Variants in KHDRBS2 observed in about 807,000 individuals in gnomAD.
KHDRBS2 encodes KH domain-containing, RNA-binding, signal transduction-associated protein 2.
In KHDRBS2, 26 loss-of-function variants were observed where a neutral mutation model predicts 44.3. The ratio of observed to expected loss-of-function variants is 0.59; its 90% CI spans 0.43 to 0.81. KHDRBS2 has a LOEUF of 0.81. KHDRBS2 is among the 40% of genes least tolerant of loss of function. KHDRBS2 has a pLI of 0.00. For missense variants in KHDRBS2, 476 were observed against 433.1 expected (o/e 1.10, Z -0.88); for synonymous variants, 194 against 151.1 (o/e 1.28, Z -2.08).
chr6:61,706,421 C>T (rs954690566), intron 7 of KHDRBS2, among the ~76,000 whole-genome samples: 1 of 151,636 alleles, frequency 6.6e-6, no homozygotes, highest in African/African-American at 2.4e-5. Context: ...TTAGACAGCT[C>T]CTAAGTGATA....
intron 2 of KHDRBS2, among the ~76,000 whole-genome samples, chr6:62,137,689 T>G (rs1274996513): frequency 3.3e-5 from 5 of 152,126 alleles, no homozygotes; most frequent in Admixed American, 6.5e-5. Context: ...TCTTTTCCAG[T>G]TTTTTTCATA....
chr6:61,872,392 T>A (rs986852774), intron 6 of KHDRBS2, among the ~76,000 whole-genome samples: 16 of 152,122 alleles, frequency 1.1e-4, no homozygotes, highest in African/African-American at 2.9e-4. Context: ...TTTCTGGATA[T>A]AATATAAACA....
At chr6:62,224,058 T>C (rs1831345766) in intron 1 of KHDRBS2, among the ~76,000 whole-genome samples, 1 of 152,178 alleles carries the variant, frequency 6.6e-6, no homozygotes, top group Admixed American at 6.5e-5. Context: ...TATTAGTCTA[T>C]TTTCATGCTG....
chr6:62,058,046 A>G, intron 2 of KHDRBS2, among the ~76,000 whole-genome samples: 1 of 151,932 alleles, frequency 6.6e-6, no homozygotes. Context: ...TATTAACATT[A>G]TTTCATTAAT....
chr6:61,620,099 G>A, the KHDRBS2 span, among the ~76,000 whole-genome samples: 5 of 151,822 alleles, frequency 3.3e-5, no homozygotes, highest in African/African-American at 4.8e-5. Flanking sequence ...AAAACTCCAC[G>A]TGTAGTTTTT....
chr6:62,191,427 C>T (rs1824588288), intron 1 of KHDRBS2, among the ~76,000 whole-genome samples: 1 of 152,090 alleles, frequency 6.6e-6, no homozygotes, highest in Non-Finnish European at 1.5e-5. Context: ...ACTCATTTTG[C>T]ATGACTGCCC....
intron 2 of KHDRBS2, among the ~76,000 whole-genome samples, chr6:62,065,473 A>G (rs867323435): frequency 8.6e-5 from 13 of 151,626 alleles, no homozygotes; most frequent in Non-Finnish European, 1.0e-4. Flanking sequence ...ATGAGTTCAT[A>G]TCCTTTGTAG....
chr6:61,720,324 C>G (rs1331650354), intron 7 of KHDRBS2, among the ~76,000 whole-genome samples: 2 of 152,218 alleles, frequency 1.3e-5, no homozygotes, highest in Non-Finnish European at 2.9e-5. Context: ...AATGGTATTT[C>G]TAGTTCTAGA....
At chr6:61,872,969 T>C (rs1265005611) in intron 6 of KHDRBS2, among the ~76,000 whole-genome samples, 1 of 152,088 alleles carries the variant, frequency 6.6e-6, no homozygotes, top group African/African-American at 2.4e-5. Context: ...AAACTGGTTA[T>C]CCATGAAGGG....
chr6:61,561,873 C>T, the KHDRBS2 span, among the ~76,000 whole-genome samples: 2 of 152,232 alleles, frequency 1.3e-5, no homozygotes, highest in South Asian at 4.1e-4. Context: ...CTCTTCCCTC[C>T]CCACTCCCAA....
chr6:61,856,549 C>A (rs1281939008), intron 6 of KHDRBS2, among the ~76,000 whole-genome samples: 2 of 146,842 alleles, frequency 1.4e-5, no homozygotes, highest in Non-Finnish European at 3.0e-5. Flanking sequence ...ATTATGATTG[C>A]TTTTTTTTTT....
intron 2 of KHDRBS2, among the ~76,000 whole-genome samples, chr6:62,091,044 T>C (rs975823593): frequency 6.6e-6 from 1 of 152,150 alleles, no homozygotes; most frequent in African/African-American, 2.4e-5. Flanking sequence ...GTCATACTGT[T>C]CATTGCAACC....
chr6:62,083,832 C>G (rs1344356036), intron 2 of KHDRBS2, among the ~76,000 whole-genome samples: 1 of 152,162 alleles, frequency 6.6e-6, no homozygotes, highest in African/African-American at 2.4e-5. Flanking sequence ...ATTTCATAGG[C>G]TTGTGAAAAG....
the KHDRBS2 span, among the ~76,000 whole-genome samples, chr6:61,642,742 T>C: frequency 2.0e-5 from 3 of 152,140 alleles, no homozygotes; most frequent in African/African-American, 7.2e-5. Flanking sequence ...GTCATGAGCC[T>C]ATGTGCCTAC....
At chr6:62,033,445 T>G (rs1784707454) in intron 3 of KHDRBS2, among the ~76,000 whole-genome samples, 1 of 151,712 alleles carries the variant, frequency 6.6e-6, no homozygotes, top group African/African-American at 2.4e-5. Flanking sequence ...AAGAATAAAG[T>G]AAAGCTACTA....
intron 1 of KHDRBS2, among the ~76,000 whole-genome samples, chr6:62,213,101 G>A (rs1262169031): frequency 2.6e-5 from 4 of 152,194 alleles, no homozygotes; most frequent in Admixed American, 6.5e-5. Flanking sequence ...GACGTAGCAA[G>A]TGTAGGATTC....
intron 6 of KHDRBS2, among the ~76,000 whole-genome samples, chr6:61,809,933 T>C (rs189226384): frequency 1.0e-3 from 158 of 152,242 alleles, no homozygotes; most frequent in South Asian, 5.8e-3. Flanking sequence ...GAGAAAAATA[T>C]ATCGCTTTTA....
chr6:62,112,482 C>A (rs1204292148), intron 2 of KHDRBS2, among the ~76,000 whole-genome samples: 1 of 152,044 alleles, frequency 6.6e-6, no homozygotes, highest in Non-Finnish European at 1.5e-5. Context: ...TCAGGCAACA[C>A]TCAATAAATA....
At chr6:62,062,581 A>G (rs1420765462) in intron 2 of KHDRBS2, among the ~76,000 whole-genome samples, 5 of 148,938 alleles carry the variant, frequency 3.4e-5, no homozygotes, top group East Asian at 2.0e-4. Context: ...TGAAACCAAG[A>G]AGAACAAAGA....
Sources: allele counts gnomAD v4.1 joint callset (sites outside exome capture counted in the v4.1 genomes callset), GRCh38; gene constraint gnomAD v4.1.1; transcripts MANE v1.5; gene names NCBI Gene and HGNC (gene_info 2026-07-23, HGNC 2026-07-21).